Variants in HNRNPUL1 observed in about 807,000 individuals in gnomAD.
HNRNPUL1 encodes heterogeneous nuclear ribonucleoprotein U like 1, also known as heterogeneous nuclear ribonucleoprotein U-like protein 1.
In HNRNPUL1, 14 loss-of-function variants were observed where a neutral mutation model predicts 108.5. The observed-to-expected ratio is 0.13, with a 90% CI of 0.09 to 0.20. The LOEUF (loss-of-function observed/expected upper bound fraction) is 0.20. Ranked by LOEUF, HNRNPUL1 falls within the 10% of genes least tolerant of loss-of-function variation. The pLI, the probability that HNRNPUL1 is intolerant of heterozygous loss-of-function variation, is 1.00. For synonymous variants in HNRNPUL1, 422 were observed against 445.2 expected (o/e 0.95, Z 0.66); for missense variants, 804 against 1,168.3 (o/e 0.69, Z 4.55).
chr19:41,278,124 A>G (rs996840638), intron 5 of HNRNPUL1, among the ~76,000 whole-genome samples: 1 of 151,854 alleles, frequency 6.6e-6, no homozygotes, highest in African/African-American at 2.4e-5. Context: ...CAGTGGCGCA[A>G]TCTCTGCTTA....
intron 11 of HNRNPUL1, 115 bp from the exon 12 acceptor site, chr19:41,302,550 A>G (rs758004469): frequency 1.5e-6 from 2 of 1,297,240 alleles, no homozygotes; most frequent in South Asian, 1.2e-5. Flanking sequence ...TCACTATTCC[A>G]GTTTTCTTCA....
chr19:41,264,431 C>T lies in HNRNPUL1; in HGVS notation c.-73C>T, dbSNP rs1048176804. On this transcript the variant is annotated 5_prime_UTR_variant, in exon 1 of 15. Coordinates refer to ENST00000392006, the MANE Select transcript of HNRNPUL1 (RefSeq NM_007040.6). ...CCCCCTTTCCCCCTTCGCCTCCTGA[C>T]AGGAAAGGTTTAAGGGGGACAGAGC... 2.4e-6 allele frequency: 3 copies of T among 1,231,944 alleles called. No individual in the cohort carries two copies. Among genetic ancestry groups the T allele is most frequent in the Admixed American group, 3.9e-5 (1 of 25,536 alleles). 76.3% of individuals were successfully genotyped at this position (1,231,944 alleles called of 1,614,324 possible).
Position 41,264,543 on chromosome 19 carries a change from G to T in HNRNPUL1, c.40G>T (p.Glu14Ter). ...RRLKVNELRE[E>*]LQRRGLDTRG... is the part of the protein sequence containing the mutation. ...TCTGAAGGTGAACGAACTTCGCGAG[G>T]AGCTGCAGCGCCGCGGCCTGGACAC... Residue 14 changes from glutamate to a stop codon, truncating the protein, a stop_gained, in exon 1 of 15, where the codon GAG becomes TAG. Transcript: ENST00000392006. LOFTEE classifies it high-confidence loss of function. 2.0e-6 allele frequency: 3 copies of T among 1,498,576 alleles called. No homozygotes were observed. The highest frequency in any genetic ancestry group is 2.7e-6 in the Non-Finnish European group (3 of 1,126,316). The allele number at this position is 1,498,576 out of a possible 1,614,324, so 92.8% of individuals were successfully genotyped here.
At position 41,292,607 on chromosome 19, in the gene HNRNPUL1, T is replaced by C; in HGVS notation, c.1266+96T>C. 2 of 1,469,286 alleles carry C rather than the reference T, an allele frequency of 1.4e-6. No individual in the cohort carries two copies. The highest frequency in any genetic ancestry group is 9.4e-7 in the Non-Finnish European group (1 of 1,066,060). 91.0% of individuals were successfully genotyped at this position (1,469,286 alleles called of 1,614,324 possible). A position where few individuals can be genotyped will look rare whatever the true frequency, so the allele number is the denominator to read the frequency against. ...ACACAGACTTGCTGCGAGAGTAGCC[T>C]TGGGGCAAGTGGCCACTTTGTCCCA... On this transcript the variant is annotated intron_variant, in intron 8 of 14. Transcript: ENST00000392006. The surrounding 1 kb of genome is among the most constrained non-coding windows in gnomAD (Gnocchi z 4.1).
chr19:41,289,270 G>A lies in HNRNPUL1; in HGVS notation c.1000-2975G>A, dbSNP rs144942216. ...AAAGGCTCAGGGTGAGGAGTTGGTG[G>A]GGGTGTAAAAATCATTGGTCTCCTG... On this transcript the variant is annotated intron_variant, in intron 7 of 14. Transcript: ENST00000392006. 2.7e-3 allele frequency among the ~76,000 whole-genome samples: 414 copies of A among 152,282 alleles called. 5 individuals are homozygous for A. In the East Asian group the frequency reaches 0.043, roughly 16 times the overall value.
intron 8 of HNRNPUL1, among the ~76,000 whole-genome samples, chr19:41,293,043 T>C (rs1315873682): frequency 6.6e-6 from 1 of 151,962 alleles, no homozygotes; most frequent in Non-Finnish European, 1.5e-5. Context: ...GCCCACCGAG[T>C]GTTCTTGAAG....
rs532630404 is a variant in HNRNPUL1 at position 41,286,115 on chromosome 19, A to C, written c.999+4840A>C. 9.8e-4 allele frequency among the ~76,000 whole-genome samples: 150 copies of C among 152,300 alleles called. 2 individuals are homozygous for C. In the Middle Eastern group the frequency reaches 0.017, roughly 17 times the overall value. On this transcript the variant is annotated intron_variant, in intron 7 of 14. Coordinates refer to ENST00000392006, the MANE Select transcript of HNRNPUL1 (RefSeq NM_007040.6). ...AAAATTAATAGCCTACTGATAACAT[A>C]AACAGTCAATTAACACATAGGCTAG...
rs2035563974 is a variant in HNRNPUL1 at position 41,276,447 on chromosome 19, G to A, written c.786+149G>A. Reference sequence around the variant, plus strand: ...GCAGACAAAACTGTGATGAACTCAAGACAACTACATCATTGCTAAATATCA... The same window carrying A: ...GCAGACAAAACTGTGATGAACTCAAAACAACTACATCATTGCTAAATATCA... On this transcript the variant is annotated intron_variant, in intron 5 of 14. Transcript: ENST00000392006. 5.3e-6 allele frequency: 4 copies of A among 753,134 alleles called. No homozygotes were observed. The South Asian group carries it at 8.8e-5, about 17-fold the overall frequency. The allele number at this position is 753,134 out of a possible 1,614,324, so 46.7% of individuals were successfully genotyped here. A position where few individuals can be genotyped will look rare whatever the true frequency, so the allele number is the denominator to read the frequency against.
intron 2 of HNRNPUL1, 59 bp downstream of exon 2, chr19:41,268,404 C>T (rs2034992264): frequency 1.3e-6 from 2 of 1,567,666 alleles, no homozygotes; most frequent in South Asian, 2.4e-5. Flanking sequence ...GGAGCCTTTA[C>T]CCCCTGCTTA....
chr19:41,279,741 A>G (rs182048211), intron 6 of HNRNPUL1, among the ~76,000 whole-genome samples: 4 of 152,332 alleles, frequency 2.6e-5, no homozygotes, highest in East Asian at 1.9e-4. Context: ...AAACGTTCCA[A>G]TTATGAAAAT....
chr19:41,268,874 G>A (rs953879789), intron 2 of HNRNPUL1, among the ~76,000 whole-genome samples: 1 of 151,682 alleles, frequency 6.6e-6, no homozygotes, highest in African/African-American at 2.4e-5. Flanking sequence ...AAAAAAAAAA[G>A]ATGTTAGTAT....
intron 1 of HNRNPUL1, chr19:41,265,298 C>A: frequency 6.6e-7 from 1 of 1,518,550 alleles, no homozygotes. Context: ...GAAGGAGGAT[C>A]CTGGAATATG....
Position 41,294,521 on chromosome 19 carries a change from C to G in HNRNPUL1, c.1390-37C>G. 3 of 1,613,762 alleles carry G rather than the reference C, an allele frequency of 1.9e-6. No homozygotes were observed. The highest frequency in any genetic ancestry group is 2.2e-5 in the South Asian group (2 of 91,060). The stretch of plus-strand genomic sequence containing the variant: ...CAACCTACTGAGTGCTGCCCTGCAA[C>G]TAAAATCACTCACCCCTCACCAATT... On this transcript the variant is annotated intron_variant, in intron 9 of 14. Coordinates refer to ENST00000392006, the MANE Select transcript of HNRNPUL1 (RefSeq NM_007040.6). The surrounding 1 kb of genome is among the most constrained non-coding windows in gnomAD (Gnocchi z 4.3).
At chr19:41,285,501 A>T (rs1424465199) in intron 7 of HNRNPUL1, among the ~76,000 whole-genome samples, 1 of 152,176 alleles carries the variant, frequency 6.6e-6, no homozygotes, top group Non-Finnish European at 1.5e-5. Context: ...CACCATGCCC[A>T]GCAAATTCTG....
intron 1 of HNRNPUL1, among the ~76,000 whole-genome samples, chr19:41,266,193 G>A (rs1283143329): frequency 6.6e-6 from 1 of 152,120 alleles, no homozygotes; most frequent in Non-Finnish European, 1.5e-5. Flanking sequence ...CCAGCACTTT[G>A]GGAGGCCGAG....
chr19:41,279,690 G>C (rs866697831), intron 6 of HNRNPUL1, among the ~76,000 whole-genome samples: 1 of 152,150 alleles, frequency 6.6e-6, no homozygotes, highest in Non-Finnish European at 1.5e-5. Flanking sequence ...TGATTATTCT[G>C]ACCAATGCTG....
At chr19:41,290,303 G>A (rs1446276327) in intron 7 of HNRNPUL1, among the ~76,000 whole-genome samples, 1 of 151,830 alleles carries the variant, frequency 6.6e-6, no homozygotes, top group Non-Finnish European at 1.5e-5. Context: ...TTTAACAAAC[G>A]TTTTAAAAAT....
rs115865179 is a variant in HNRNPUL1, at chr19:41,300,543, G to C, written c.1519-993G>C. Among the ~76,000 whole-genome samples, 630 of 152,280 alleles carry C rather than the reference G, an allele frequency of 4.1e-3. 7 individuals carry two copies. Among genetic ancestry groups the C allele is most frequent in the African/African-American group, 0.014 (566 of 41,540 alleles). On this transcript the variant is annotated intron_variant, in intron 10 of 14. Transcript: ENST00000392006. ...GGTTCAGGCTCAGGAAGTCTCAAAT[G>C]AAGTTTGAGCTGCTCACTTTTTAAG... is the stretch of plus-strand genomic sequence containing the variant.
Position 41,276,591 on chromosome 19 carries a change from AAAG to A in HNRNPUL1, c.786+297_786+299del, listed in dbSNP as rs1470023278. On this transcript the variant is annotated intron_variant, in intron 5 of 14. Transcript: ENST00000392006. Reference sequence around the variant, plus strand: ...TGATGACATGTTTGTAGAACTGAGAAAAGAAGTTGTTTGGAAGAAAAGTGATCT... The same window carrying A: ...TGATGACATGTTTGTAGAACTGAGAAAAGTTGTTTGGAAGAAAAGTGATCT... 1.6e-5 allele frequency: 4 copies of A among 253,044 alleles called. No homozygotes were observed. The South Asian group carries it at 4.4e-4, about 28-fold the overall frequency. 15.7% of individuals were successfully genotyped at this position (253,044 alleles called of 1,614,324 possible). A position where few individuals can be genotyped will look rare whatever the true frequency, so the allele number is the denominator to read the frequency against.
Sources: gnomAD v4.1 joint callset for allele counts (sites outside exome capture counted in the v4.1 genomes callset) on GRCh38, gnomAD v4.1.1 for gene constraint, Gnocchi (gnomAD v3.1) non-coding constraint, MANE v1.5 for transcripts, NCBI Gene and HGNC (gene_info 2026-07-23, HGNC 2026-07-21) for gene names.